The following THSD4 variants were observed in gnomAD, a reference collection of about 807,000 sequenced individuals.
THSD4 encodes thrombospondin type-1 domain-containing protein 4.
THSD4 carries 69 observed loss-of-function variants against 119.0 expected under a neutral mutation model. The observed-to-expected ratio is 0.58, with a 90% CI of 0.48 to 0.71. The LOEUF is 0.71. THSD4 is among the 30% of genes least tolerant of loss of function. The pLI, the probability that THSD4 is intolerant of heterozygous loss-of-function variation, is 0.00. For missense variants in THSD4, 1,393 were observed against 1,391.1 expected, an observed-to-expected ratio of 1.00 and a Z score of -0.02; for synonymous variants, 524 against 540.4, an observed-to-expected ratio of 0.97 and a Z score of 0.42.
intron 6 of THSD4, among the ~76,000 whole-genome samples, chr15:71,273,700 T>G (rs1002866111): frequency 2.6e-5 from 4 of 152,168 alleles, no homozygotes; most frequent in Non-Finnish European, 4.4e-5. Context: ...ATTTTGAGAC[T>G]CATTTAGAAT....
At chr15:71,189,711 T>C (rs1300782336) in intron 3 of THSD4, among the ~76,000 whole-genome samples, 12 of 151,752 alleles carry the variant, frequency 7.9e-5, no homozygotes, top group Admixed American at 7.9e-4. Context: ...GTGCCCCAAA[T>C]GTTCTGTTTT....
intron 1 of THSD4, among the ~76,000 whole-genome samples, chr15:71,101,238 CTATTA>C (rs1354273291): frequency 6.6e-6 from 1 of 151,890 alleles, no homozygotes; most frequent in African/African-American, 2.4e-5. Flanking sequence ...ATATGGTCTG[CTATTA>C]TATTACTATT....
In THSD4 at chr15:71,532,283, AGTGTGT is replaced by A. The variant is rs1210856261; in HGVS notation, c.1152+120504_1152+120509del. 4.3e-3 allele frequency among the ~76,000 whole-genome samples: 433 copies of A among 101,548 alleles called. 3 individuals are homozygous for A. Among genetic ancestry groups the A allele is most frequent in the Admixed American group, 0.017 (153 of 9,118 alleles). 66.6% of individuals were successfully genotyped at this position (101,548 alleles called of 152,430 possible). ...AAGGGTGAGAGAGAGAGAGAGAGAG[AGTGTGT>A]GTGTGTGTGTGTGTGTGTGTGTGTG... On this transcript the variant is annotated intron_variant, in intron 7 of 17. Coordinates refer to ENST00000261862, the MANE Select transcript of THSD4 (RefSeq NM_024817.3).
intron 6 of THSD4, among the ~76,000 whole-genome samples, chr15:71,353,816 C>G (rs1250685265): frequency 6.6e-6 from 1 of 152,244 alleles, no homozygotes; most frequent in African/African-American, 2.4e-5. Flanking sequence ...AATGCTGCCT[C>G]TGCCATTTGC....
At chr15:71,169,239 C>T (rs1487677757) in intron 3 of THSD4, among the ~76,000 whole-genome samples, 3 of 152,206 alleles carry the variant, frequency 2.0e-5, no homozygotes, top group Non-Finnish European at 4.4e-5. Flanking sequence ...ATTAAAATCT[C>T]AGTGTGACAC....
chr15:71,509,886 GGTT>G (rs1437054063), intron 7 of THSD4, among the ~76,000 whole-genome samples: 2 of 152,116 alleles, frequency 1.3e-5, no homozygotes, highest in East Asian at 1.9e-4. Flanking sequence ...ATTTAAATCT[GGTT>G]GTTGTAGTGT....
chr15:71,123,874 G>A (rs542068563), intron 1 of THSD4, among the ~76,000 whole-genome samples: 8 of 152,338 alleles, frequency 5.3e-5, no homozygotes, highest in Non-Finnish European at 1.2e-4. Flanking sequence ...TAAATGTGGA[G>A]CGTGCATTTA....
At chr15:71,118,629 TTTCTC>T (rs2040383334) in intron 1 of THSD4, among the ~76,000 whole-genome samples, 1 of 152,214 alleles carries the variant, frequency 6.6e-6, no homozygotes, top group Non-Finnish European at 1.5e-5. Flanking sequence ...TCATCTCACT[TTTCTC>T]TTCTCTCTCC....
chr15:71,532,263 T>TGAGAGAGGGAGA (rs142887710), intron 7 of THSD4, among the ~76,000 whole-genome samples: 1 of 71,722 alleles, frequency 1.4e-5, no homozygotes, highest in South Asian at 6.9e-4. Flanking sequence ...CAACAAAGGG[T>TGAGAGAGGGAGA]GAGAGAGAGA....
intron 6 of THSD4, among the ~76,000 whole-genome samples, chr15:71,323,362 GA>G (rs2045298721): frequency 6.6e-6 from 1 of 152,100 alleles, no homozygotes; most frequent in Admixed American, 6.5e-5. Context: ...CTTGCAGGAG[GA>G]AGTCTAGGAA....
At chr15:71,599,875 C>G (rs1046578195) in intron 7 of THSD4, among the ~76,000 whole-genome samples, 1 of 152,174 alleles carries the variant, frequency 6.6e-6, no homozygotes, top group Non-Finnish European at 1.5e-5. Flanking sequence ...CAATGCCCCC[C>G]AGTATGGGAA....
intron 7 of THSD4, among the ~76,000 whole-genome samples, chr15:71,461,626 A>G (rs1335149343): frequency 2.0e-5 from 3 of 152,222 alleles, no homozygotes; most frequent in Non-Finnish European, 4.4e-5. Flanking sequence ...GTGTCAAAAT[A>G]TATGTAGTCC....
chr15:71,709,896 G>A (rs2052474158), intron 8 of THSD4, among the ~76,000 whole-genome samples: 1 of 152,186 alleles, frequency 6.6e-6, no homozygotes, highest in South Asian at 2.1e-4. Context: ...GCTTGCCATG[G>A]GCAGCCAAGT....
chr15:71,746,780 C>A (rs1269651999), intron 12 of THSD4, 58 bp from the exon 13 acceptor site: 2 of 1,575,230 alleles, frequency 1.3e-6, no homozygotes, highest in Non-Finnish European at 1.7e-6. Flanking sequence ...CGGGCTCACG[C>A]TGACTTCCTG....
intron 7 of THSD4, among the ~76,000 whole-genome samples, chr15:71,634,008 G>A (rs1166698937): frequency 5.9e-5 from 9 of 152,126 alleles, no homozygotes; most frequent in African/African-American, 1.9e-4. Flanking sequence ...CCAACATGGT[G>A]AAACCCCATC....
At chr15:71,577,558 C>T (rs1174123870) in intron 7 of THSD4, among the ~76,000 whole-genome samples, 2 of 151,996 alleles carry the variant, frequency 1.3e-5, no homozygotes, top group African/African-American at 2.4e-5. Context: ...GAAATGCTTT[C>T]GAAACTGTGA....
intron 7 of THSD4, among the ~76,000 whole-genome samples, chr15:71,449,811 G>A (rs1321961010): frequency 6.6e-6 from 1 of 152,118 alleles, no homozygotes. Flanking sequence ...CCAATATGCA[G>A]GCCCAACTAC....
chr15:71,435,046 A>G (rs1234057443), intron 7 of THSD4, among the ~76,000 whole-genome samples: 1 of 152,256 alleles, frequency 6.6e-6, no homozygotes, highest in Non-Finnish European at 1.5e-5. Flanking sequence ...GCTGCACAAC[A>G]GTAGCTGTTC....
At chr15:71,458,594 G>A (rs576379239) in intron 7 of THSD4, among the ~76,000 whole-genome samples, 37 of 152,286 alleles carry the variant, frequency 2.4e-4, no homozygotes, top group Middle Eastern at 3.4e-3. Context: ...TACTATGCCT[G>A]CTTCTGGGGG....
Sources: allele counts gnomAD v4.1 joint callset (sites outside exome capture counted in the v4.1 genomes callset), GRCh38; gene constraint gnomAD v4.1.1; transcripts MANE v1.5; gene names NCBI Gene and HGNC (gene_info 2026-07-23, HGNC 2026-07-21).